Variants in NAA15 observed in about 807,000 individuals in gnomAD.
NAA15 encodes the protein N-terminal acetyltransferase.
Under a neutral mutation model 114.0 loss-of-function variants are expected in NAA15, and 34 were observed. That is an observed-to-expected ratio of 0.30 (90% CI 0.23 to 0.40). The LOEUF is 0.40. Ranked by LOEUF, NAA15 falls within the 10% of genes least tolerant of loss-of-function variation. The pLI is 1.00. For synonymous variants in NAA15, 340 were observed against 338.0 expected (o/e 1.01, Z -0.06); for missense variants, 658 against 1,004.5 (o/e 0.66, Z 4.66).
At chr4:139,379,195 G>C (rs893204213) in intron 17 of NAA15, 1 of 172,148 alleles carries the variant, frequency 5.8e-6, no homozygotes, top group African/African-American at 2.4e-5. Context: ...CTTTGAAATT[G>C]ACTGTTTTCT....
At chr4:139,314,996 T>TCAGGTCAGGTCAGGTCAGGTCAGG (rs1560952688) in intron 1 of NAA15, among the ~76,000 whole-genome samples, 1 of 57,278 alleles carries the variant, frequency 1.7e-5, no homozygotes, top group Non-Finnish European at 3.5e-5. Flanking sequence ...TTCAGTTCAG[T>TCAGGTCAGGTCAGGTCAGGTCAGG]TCAGTTTAGT....
chr4:139,383,874 G>A (rs1416182030), intron 17 of NAA15, among the ~76,000 whole-genome samples: 1 of 152,180 alleles, frequency 6.6e-6, no homozygotes, highest in African/African-American at 2.4e-5. Flanking sequence ...CATCAACCAT[G>A]TTTTCTTTTG....
chr4:139,357,498 T>C lies in NAA15; in HGVS notation c.1200T>C (p.Ala400=), dbSNP rs753488405. ...TTGCTTTGGAGTACATAAATACTGC[T>C]ATTGAAAGTACACCTACATTAATAG... ...PSIALEYINT[A]IESTPTLIEL... is the part of the protein sequence containing the mutation. Residue 400 remains alanine, a synonymous_variant, in exon 11 of 20, where the codon GCT becomes GCC. Transcript: ENST00000296543. 1.2e-5 allele frequency: 20 copies of C among 1,612,140 alleles called. No individual in the cohort carries two copies. The highest frequency in any genetic ancestry group is 1.4e-5 in the Non-Finnish European group (16 of 1,178,394).
At chr4:139,365,314 A>T (rs889271234) in intron 14 of NAA15, among the ~76,000 whole-genome samples, 1 of 151,898 alleles carries the variant, frequency 6.6e-6, no homozygotes, top group Non-Finnish European at 1.5e-5. Context: ...CTGGGATTAC[A>T]GGTGTGAGCC....
chr4:139,315,035 G>GTTTA lies in NAA15; in HGVS notation c.54+13204_54+13205insTTTA, dbSNP rs1560952951. On this transcript the variant is annotated intron_variant, in intron 1 of 19. Transcript: ENST00000296543. Reference sequence around the variant, plus strand: ...GGTTAGGTTAGGTTAGGTTAGGTTAGGTTAGGTTAGGTTAGGTTAGTTTAG... The same window carrying GTTTA: ...GGTTAGGTTAGGTTAGGTTAGGTTAGTTTAGTTAGGTTAGGTTAGGTTAGTTTAG... Among the ~76,000 whole-genome samples the GTTTA allele has an allele frequency of 2.9e-3, 243 of 84,288 alleles. 10 individuals are homozygous for GTTTA. The highest frequency in any genetic ancestry group is 9.4e-3 in the African/African-American group (169 of 17,960). 55.3% of individuals were successfully genotyped at this position (84,288 alleles called of 152,430 possible). A position where few individuals can be genotyped will look rare whatever the true frequency, so the allele number is the denominator to read the frequency against.
chr4:139,345,935 G>A (rs935011663), intron 6 of NAA15, among the ~76,000 whole-genome samples: 3 of 152,034 alleles, frequency 2.0e-5, no homozygotes, highest in Non-Finnish European at 2.9e-5. Flanking sequence ...AAAAAAGGGA[G>A]TGGGAGTAGA....
intron 12 of NAA15, 69 bp downstream of exon 12, chr4:139,359,964 C>A (rs1748081943): frequency 1.4e-6 from 2 of 1,393,230 alleles, no homozygotes; most frequent in African/African-American, 1.5e-5. Flanking sequence ...GTATAACATG[C>A]TTATTTTTCA....
intron 18 of NAA15, 45 bp from the exon 19 acceptor site, chr4:139,386,088 G>A: frequency 9.8e-7 from 1 of 1,021,904 alleles, no homozygotes; most frequent in Non-Finnish European, 1.5e-6. Context: ...AGGATAAGAT[G>A]TTGGTTTTAC....
Position 139,370,256 on chromosome 4 carries a change from G to C in NAA15, c.1799G>C (p.Arg600Thr). The change falls in exon 15 of 20, where the codon AGA becomes ACA. Residue 600 changes from arginine (R) to threonine (T), a missense_variant. By Grantham distance (71) the Arg-to-Thr change is moderately conservative. Coordinates refer to ENST00000296543, the MANE Select transcript of NAA15 (RefSeq NM_057175.5). ...KELKKLRNKQ[R>T]RAQKKAQIEE... ...CTAAAGAAGCTACGTAATAAACAAA[G>C]AAGAGCTCAAAAGAAAGCCCAGATA... 1 of 1,570,804 alleles carries C rather than the reference G, an allele frequency of 6.4e-7. No homozygotes were observed.
At chr4:139,329,463 TGTG>T (rs889697587) in intron 1 of NAA15, among the ~76,000 whole-genome samples, 6 of 152,208 alleles carry the variant, frequency 3.9e-5, no homozygotes, top group African/African-American at 1.4e-4. Context: ...TGGACTTTGT[TGTG>T]GTGCACAGTG....
chr4:139,347,041 C>G (rs1186011096), intron 6 of NAA15, among the ~76,000 whole-genome samples: 2 of 151,960 alleles, frequency 1.3e-5, no homozygotes, highest in African/African-American at 4.8e-5. Flanking sequence ...CCCCCAGCCT[C>G]CCACTACAGG....
intron 1 of NAA15, among the ~76,000 whole-genome samples, chr4:139,322,882 G>A (rs1746666618): frequency 6.6e-6 from 1 of 151,310 alleles, no homozygotes; most frequent in Non-Finnish European, 1.5e-5. Context: ...AGTAGAGATG[G>A]GTTTCACCGT....
intron 1 of NAA15, among the ~76,000 whole-genome samples, chr4:139,308,849 C>T (rs747508284): frequency 7.2e-5 from 11 of 151,960 alleles, no homozygotes; most frequent in African/African-American, 2.2e-4. Flanking sequence ...CTGCTTACCT[C>T]GGGTGATCCA....
chr4:139,376,001 G>A (rs1215130648), intron 15 of NAA15, among the ~76,000 whole-genome samples: 1 of 152,076 alleles, frequency 6.6e-6, no homozygotes, highest in Non-Finnish European at 1.5e-5. Context: ...CACTCATTCT[G>A]TCATGGTCTC....
rs780320729 is a variant in NAA15 at position 139,359,779 on chromosome 4, G to T, written c.1294G>T (p.Asp432Tyr). 6.2e-7 allele frequency: 1 copy of T among 1,606,196 alleles called. No individual in the cohort carries two copies. Among genetic ancestry groups the T allele is most frequent in the South Asian group, 1.1e-5 (1 of 89,118 alleles). Residue 432 changes from aspartate to tyrosine, a missense_variant, in exon 12 of 20, where the codon GAT becomes TAT. Coordinates refer to ENST00000296543, the MANE Select transcript of NAA15 (RefSeq NM_057175.5). ...GNIKEAARWM[D>Y]EAQALDTADR... is the part of the protein sequence containing the mutation. ...TATTAAAGAAGCTGCAAGGTGGATG[G>T]ATGAGGCCCAGGCCTTGGACACAGC...
At chr4:139,359,368 C>A (rs1748064084) in intron 11 of NAA15, among the ~76,000 whole-genome samples, 1 of 152,024 alleles carries the variant, frequency 6.6e-6, no homozygotes, top group Non-Finnish European at 1.5e-5. Flanking sequence ...TCTCAGTGAT[C>A]CACCCGGCTC....
chr4:139,385,321 C>G (rs1219995048), intron 18 of NAA15, among the ~76,000 whole-genome samples: 1 of 116,702 alleles, frequency 8.6e-6, no homozygotes, highest in Non-Finnish European at 1.7e-5. Flanking sequence ...TATATATATG[C>G]GCTTCCTATA....
chr4:139,305,438 A>G (rs143670662), intron 1 of NAA15, among the ~76,000 whole-genome samples: 18 of 151,954 alleles, frequency 1.2e-4, no homozygotes, highest in African/African-American at 4.3e-4. Flanking sequence ...TAGTGCTTTT[A>G]AGATTTTTTT....
intron 17 of NAA15, among the ~76,000 whole-genome samples, chr4:139,383,357 G>GAC (rs1748802615): frequency 6.6e-6 from 1 of 152,166 alleles, no homozygotes; most frequent in South Asian, 2.1e-4. Flanking sequence ...CAAAGCTCCA[G>GAC]ACTCTCTCTT....
Sources: gnomAD v4.1 joint callset for allele counts (sites outside exome capture counted in the v4.1 genomes callset) on GRCh38, gnomAD v4.1.1 for gene constraint, MANE v1.5 for transcripts, NCBI Gene and HGNC (gene_info 2026-07-23, HGNC 2026-07-21) for gene names.